DLG2: variants seen among roughly 807,000 people sequenced by gnomAD.
DLG2 encodes disks large homolog 2.
A neutral mutation model predicts 132.5 loss-of-function variants in DLG2; 45 were observed. The ratio of observed to expected loss-of-function variants is 0.34; its 90% CI spans 0.27 to 0.44. The LOEUF (loss-of-function observed/expected upper bound fraction) is 0.44. Ranked by LOEUF, DLG2 falls within the 20% of genes least tolerant of loss-of-function variation. The probability of loss-of-function intolerance (pLI) is 1.00; values close to 1 mark genes in which losing one functional copy is unlikely to be tolerated. For synonymous variants in DLG2, 424 were observed against 419.6 expected (o/e 1.01, Z -0.13); for missense variants, 1,045 against 1,196.9 (o/e 0.87, Z 1.87).
chr11:84,893,801 A>C (rs966088003), intron 6 of DLG2, among the ~76,000 whole-genome samples: 1 of 152,160 alleles, frequency 6.6e-6, no homozygotes, highest in Non-Finnish European at 1.5e-5. Flanking sequence ...ATTATTATTA[A>C]TATCTTACAA....
chr11:85,590,202 TGAAA>T, intron 3 of DLG2, among the ~76,000 whole-genome samples: 1 of 152,288 alleles, frequency 6.6e-6, no homozygotes, highest in African/African-American at 2.4e-5. Context: ...TTTTTTCAAA[TGAAA>T]GAAATTTAAT....
intron 3 of DLG2, among the ~76,000 whole-genome samples, chr11:85,476,248 A>T (rs1490882510): frequency 6.6e-6 from 1 of 152,084 alleles, no homozygotes; most frequent in Non-Finnish European, 1.5e-5. Context: ...AATATATGAA[A>T]GATTTTTAAA....
intron 19 of DLG2, among the ~76,000 whole-genome samples, chr11:83,542,421 T>C (rs1392524263): frequency 1.3e-5 from 2 of 152,170 alleles, no homozygotes; most frequent in African/African-American, 2.4e-5. Context: ...ATGAAGAGGT[T>C]AATGTAATCA....
At chr11:83,608,389 T>A (rs1029216195) in intron 19 of DLG2, among the ~76,000 whole-genome samples, 1 of 152,094 alleles carries the variant, frequency 6.6e-6, no homozygotes, top group Non-Finnish European at 1.5e-5. Flanking sequence ...ATATGTACTT[T>A]AAAAAATCTG....
At chr11:84,773,254 C>G (rs1246052498) in intron 6 of DLG2, among the ~76,000 whole-genome samples, 1 of 152,070 alleles carries the variant, frequency 6.6e-6, no homozygotes, top group African/African-American at 2.4e-5. Flanking sequence ...CCTGAACAGA[C>G]CAATAATGAG....
At chr11:83,826,055 A>G (rs1481968039) in intron 17 of DLG2, among the ~76,000 whole-genome samples, 1 of 151,144 alleles carries the variant, frequency 6.6e-6, no homozygotes, top group Non-Finnish European at 1.5e-5. Flanking sequence ...GGGCTGTGTT[A>G]ACAATTTTAG....
intron 3 of DLG2, among the ~76,000 whole-genome samples, chr11:85,546,682 G>A (rs891759234): frequency 2.6e-5 from 4 of 152,116 alleles, no homozygotes; most frequent in African/African-American, 9.6e-5. Context: ...CTCCTGTATT[G>A]GGTGCATATA....
At chr11:83,523,040 T>G (rs2095522932) in intron 21 of DLG2, among the ~76,000 whole-genome samples, 2 of 152,236 alleles carry the variant, frequency 1.3e-5, no homozygotes, top group South Asian at 4.1e-4. Context: ...GTCAGATGAC[T>G]GGACATTCAC....
intron 15 of DLG2, among the ~76,000 whole-genome samples, chr11:83,906,289 A>T (rs1270168388): frequency 3.8e-4 from 55 of 145,150 alleles, no homozygotes; most frequent in African/African-American, 1.2e-3. Flanking sequence ...ACACACACAC[A>T]CACACACACA....
chr11:83,723,961 C>A (rs951646159), intron 18 of DLG2, among the ~76,000 whole-genome samples: 3 of 152,270 alleles, frequency 2.0e-5, no homozygotes, highest in Middle Eastern at 6.8e-3. Flanking sequence ...TTCAGCTAAC[C>A]ATGAGAGAGC....
At chr11:85,388,540 C>T (rs1230439119) in intron 3 of DLG2, among the ~76,000 whole-genome samples, 1 of 152,126 alleles carries the variant, frequency 6.6e-6, no homozygotes, top group African/African-American at 2.4e-5. Flanking sequence ...AGGTCAAGCA[C>T]CACAAAACCA....
At chr11:85,304,132 T>C (rs887192741) in intron 3 of DLG2, among the ~76,000 whole-genome samples, 5 of 152,184 alleles carry the variant, frequency 3.3e-5, no homozygotes, top group African/African-American at 4.8e-5. Flanking sequence ...ACCTAGCAGA[T>C]TCTGCTTGGG....
intron 6 of DLG2, among the ~76,000 whole-genome samples, chr11:84,859,290 A>G (rs541242478): frequency 6.8e-6 from 1 of 148,008 alleles, no homozygotes; most frequent in African/African-American, 2.5e-5. Context: ...ATATATGTAC[A>G]TTTCATAAAC....
chr11:84,205,172 C>T (rs7118715), intron 8 of DLG2, among the ~76,000 whole-genome samples: 131,162 of 152,202 alleles, frequency 0.86, 56,711 homozygotes, highest in Middle Eastern at 0.94. Flanking sequence ...GACTAAAAGA[C>T]AGATTCAGCA....
intron 19 of DLG2, among the ~76,000 whole-genome samples, chr11:83,590,743 G>A (rs61899978): frequency 1.1e-3 from 162 of 152,120 alleles, no homozygotes; most frequent in Non-Finnish European, 1.9e-3. Flanking sequence ...TAGACCGCTA[G>A]CAAGACTAAT....
intron 19 of DLG2, among the ~76,000 whole-genome samples, chr11:83,566,254 G>A (rs12574835): frequency 6.6e-6 from 1 of 152,194 alleles, no homozygotes; most frequent in Non-Finnish European, 1.5e-5. Flanking sequence ...ACTGGACATA[G>A]AGGAATGAGA....
At chr11:85,443,090 G>GA (rs1565498209) in intron 3 of DLG2, among the ~76,000 whole-genome samples, 1 of 152,028 alleles carries the variant, frequency 6.6e-6, no homozygotes, top group Non-Finnish European at 1.5e-5. Flanking sequence ...AAAAAGAATT[G>GA]AAAAAATCCT....
chr11:84,208,309 G>A (rs1401077342), intron 8 of DLG2, among the ~76,000 whole-genome samples: 1 of 151,646 alleles, frequency 6.6e-6, no homozygotes, highest in African/African-American at 2.4e-5. Flanking sequence ...TGTTTCTGTG[G>A]GCCATGGTCA....
rs571602379 is a variant in DLG2 at position 83,466,047 on chromosome 11, A to G, written c.2729+661T>C. 1.7e-3 allele frequency among the ~76,000 whole-genome samples: 259 copies of G among 151,558 alleles called. 2 individuals carry two copies. The highest frequency in any genetic ancestry group is 3.3e-3 in the Admixed American group (50 of 15,192). On this transcript the variant is annotated intron_variant, in intron 26 of 27. Transcript: ENST00000376104. ...TTATTTCACAAGTCCTTTGGAGGGG[A>G]AAAAAAAAGAAAAAACCCTGAGTGC... is the stretch of plus-strand genomic sequence containing the variant.
Sources: gnomAD v4.1 joint callset for allele counts (sites outside exome capture counted in the v4.1 genomes callset) on GRCh38, gnomAD v4.1.1 for gene constraint, MANE v1.5 for transcripts, NCBI Gene and HGNC (gene_info 2026-07-23, HGNC 2026-07-21) for gene names.